The following ERAL1 variants were observed in gnomAD, a reference collection of about 807,000 sequenced individuals.
ERAL1 encodes Era like 12S mitochondrial rRNA chaperone 1.
In ERAL1, 36 loss-of-function variants were observed where a neutral mutation model predicts 53.6. The ratio of observed to expected loss-of-function variants is 0.67; its 90% CI spans 0.51 to 0.89. The LOEUF (loss-of-function observed/expected upper bound fraction) is 0.89, where lower values mean the gene tolerates loss of function less well. Among genes scored for constraint, ERAL1 ranks in the 40% least tolerant of loss-of-function variants. The pLI, the probability that ERAL1 is intolerant of heterozygous loss-of-function variation, is 0.00. For synonymous variants in ERAL1, 215 were observed against 211.8 expected, an observed-to-expected ratio of 1.02 and a Z score of -0.13; for missense variants, 512 against 537.5, an observed-to-expected ratio of 0.95 and a Z score of 0.47.
At chr17:28,857,362 C>T (rs1036910081) in intron 3 of ERAL1, among the ~76,000 whole-genome samples, 10 of 150,652 alleles carry the variant, frequency 6.6e-5, no homozygotes, top group Admixed American at 5.3e-4. Context: ...CTGCCTTGGC[C>T]TCCCAAAGTG....
At position 28,858,213 on chromosome 17, in the gene ERAL1, G is replaced by T; in HGVS notation, c.598+6G>T. On this transcript the variant is annotated splice_donor_region_variant and intron_variant, in intron 5 of 9. Coordinates refer to ENST00000254928, the MANE Select transcript of ERAL1 (RefSeq NM_005702.4). ...CATGGAATCTGCTGATCTTGGTTAG[G>T]TTCAGGATGGGAACCTTAAGCCCAG... 1 of 1,613,828 alleles carries T rather than the reference G, an allele frequency of 6.2e-7. No individual in the cohort carries two copies. The highest frequency in any genetic ancestry group is 8.5e-7 in the Non-Finnish European group (1 of 1,180,024).
At chr17:28,856,658 G>A (rs946279861) in intron 3 of ERAL1, 76 bp downstream of exon 3, 14 of 1,289,330 alleles carry the variant, frequency 1.1e-5, no homozygotes, top group South Asian at 3.5e-5. Flanking sequence ...CATCAGCCTT[G>A]AAGAAAATGA....
chr17:28,859,108 C>T lies in ERAL1; in HGVS notation c.1105C>T (p.Gln369Ter). 1 of 1,614,182 alleles carries T rather than the reference C, an allele frequency of 6.2e-7. No homozygotes were observed. The highest frequency in any genetic ancestry group is 8.5e-7 in the Non-Finnish European group (1 of 1,180,030). Residue 369 changes from glutamine (Q) to a stop codon, truncating the protein, a stop_gained, in exon 8 of 10, where the codon CAG becomes TAG. Transcript: ENST00000254928. LOFTEE classifies it high-confidence loss of function. ...HLPQEVPYNV[Q>*]QKTAVWEEGP... ...GCCCCAGGAGGTGCCTTACAATGTA[C>T]AGCAGGTACAGAGTGAAGGGTTCTG... is the stretch of plus-strand genomic sequence containing the variant.
chr17:28,856,227 T>C (rs376619357), intron 1 of ERAL1, 37 bp from the exon 2 acceptor site: 4 of 1,611,072 alleles, frequency 2.5e-6, no homozygotes, highest in Non-Finnish European at 3.4e-6. Context: ...AAATCCAGAT[T>C]CCACTGTGTC....
At position 28,858,580 on chromosome 17, in the gene ERAL1, ATTGT is replaced by A. The variant is rs2039269514; in HGVS notation, c.720_723del (p.Cys240Ter). On this transcript the variant is annotated frameshift_variant, in exon 7 of 10. Coordinates refer to ENST00000254928, the MANE Select transcript of ERAL1 (RefSeq NM_005702.4). LOFTEE classifies it high-confidence loss of function. ...TTGCCCATCCCCCATGTCCAGGTAG[ATTGT>A]TTGAAGCAGAAGTCAGTTCTCCTGG... 1.2e-6 allele frequency: 2 copies of A among 1,613,976 alleles called. No individual in the cohort carries two copies. The highest frequency in any genetic ancestry group is 1.7e-6 in the Non-Finnish European group (2 of 1,180,028).
chr17:28,857,810 A>G, intron 3 of ERAL1, 129 bp from the exon 4 acceptor site: 1 of 1,085,640 alleles, frequency 9.2e-7, no homozygotes, highest in Non-Finnish European at 1.4e-6. Flanking sequence ...ACAAAAAACA[A>G]ACCTAAAGTC....
intron 3 of ERAL1, 26 bp downstream of exon 3, chr17:28,856,608 G>A: frequency 1.2e-6 from 2 of 1,605,538 alleles, no homozygotes; most frequent in Non-Finnish European, 1.7e-6. Context: ...GGGAGTCCTT[G>A]AAACAGGACA....
chr17:28,855,140 C>T lies in ERAL1; in HGVS notation c.106C>T (p.Leu36Phe). ...GGAGCGGGTGATCCCTTTTTCCTCA[C>T]TCTTAGGCTTCCAACGGAGGTGCGT... is the stretch of plus-strand genomic sequence containing the variant. ...ARERVIPFSS[L>F]LGFQRRCVSC... The change falls in exon 1 of 10, where the codon CTC (leucine) becomes TTC (phenylalanine). Residue 36 changes from leucine (L) to phenylalanine (F), a missense_variant. Physicochemically the swap from Leu to Phe is conservative, Grantham distance 22. Coordinates refer to ENST00000254928, the MANE Select transcript of ERAL1 (RefSeq NM_005702.4). 6.2e-7 allele frequency: 1 copy of T among 1,614,248 alleles called. No individual in the cohort carries two copies. The highest frequency in any genetic ancestry group is 1.3e-5 in the African/African-American group (1 of 75,066).
At chr17:28,859,318 C>G (rs2039279326) in intron 9 of ERAL1, 35 bp downstream of exon 9, 1 of 1,603,236 alleles carries the variant, frequency 6.2e-7, no homozygotes, top group African/African-American at 1.3e-5. Context: ...GAGATCAAGA[C>G]TATGTTAGGC....
At chr17:28,859,313 C>G in intron 9 of ERAL1, 30 bp downstream of exon 9, 3 of 1,607,774 alleles carry the variant, frequency 1.9e-6, no homozygotes, top group Non-Finnish European at 2.6e-6. Context: ...GAGGAGAGAT[C>G]AAGACTATGT....
intron 3 of ERAL1, 132 bp downstream of exon 3, chr17:28,856,714 CTT>C (rs372784089): frequency 0.017 from 9,606 of 576,606 alleles, no homozygotes; most frequent in Middle Eastern, 0.021. Flanking sequence ...TTTTCTTTTT[CTT>C]TTTTTTTTTT....
chr17:28,858,176 T>C lies in ERAL1; in HGVS notation c.567T>C (p.Asp189=), dbSNP rs2039264492. 6.2e-7 allele frequency: 1 copy of C among 1,614,070 alleles called. No homozygotes were observed. The highest frequency in any genetic ancestry group is 8.5e-7 in the Non-Finnish European group (1 of 1,180,016). Residue 189 remains aspartate, a synonymous_variant, in exon 5 of 10, where the codon GAT becomes GAC. Coordinates refer to ENST00000254928, the MANE Select transcript of ERAL1 (RefSeq NM_005702.4). ...ACCTGGAGCTCTCTTTGTTGGAAGA[T>C]CCATGGAAGAGCATGGAATCTGCTG... is the stretch of plus-strand genomic sequence containing the variant. ...RHHLELSLLE[D]PWKSMESADL...
Position 28,856,351 on chromosome 17 carries a change from C to CAG in ERAL1, c.372_373dup (p.Gly125GlufsTer40). 1.2e-6 allele frequency: 2 copies of CAG among 1,614,150 alleles called. No homozygotes were observed. On this transcript the variant is annotated frameshift_variant, in exon 2 of 10. Transcript: ENST00000254928. LOFTEE classifies it high-confidence loss of function. ...GTGGTCCTCCTGGGAGCCCCGAATG[C>CAG]AGGGAAGTCAACACTCTCCAACCAG...
At chr17:28,858,906 T>G in intron 7 of ERAL1, 58 bp from the exon 8 acceptor site, 1 of 1,611,882 alleles carries the variant, frequency 6.2e-7, no homozygotes, top group Non-Finnish European at 8.5e-7. Flanking sequence ...GAAGCAAAAG[T>G]GAGGAGAAAA....
rs756654921 is a variant in ERAL1, at chr17:28,856,419, CT to C, written c.411+31del. 43 of 1,613,656 alleles carry C rather than the reference CT, an allele frequency of 2.7e-5. No individual in the cohort carries two copies. In the African/African-American group the frequency reaches 5.2e-4, roughly 20 times the overall value. On this transcript the variant is annotated intron_variant, in intron 2 of 9. Coordinates refer to ENST00000254928, the MANE Select transcript of ERAL1 (RefSeq NM_005702.4). ...ATGCTACACCCTTGACCATCCTACC[CT>C]TTACATCTTTTACTTCTTGCCATGC...
In ERAL1 at chr17:28,860,664, T is replaced by C. The variant is rs2039297582; in HGVS notation, c.*111T>C. On this transcript the variant is annotated 3_prime_UTR_variant, in exon 10 of 10. Transcript: ENST00000254928. ...AGGCACTGGTGAGAGACATGAACAC[T>C]GACTGGCCACTAGCTGGCCTGGCCC... The C allele has an allele frequency of 7.3e-7, 1 of 1,368,494 alleles. No individual in the cohort carries two copies. Among genetic ancestry groups the C allele is most frequent in the African/African-American group, 1.5e-5 (1 of 67,094 alleles). The allele number at this position is 1,368,494 out of a possible 1,614,324, so 84.8% of individuals were successfully genotyped here.
Position 28,858,990 on chromosome 17 carries a change from A to G in ERAL1, c.987A>G (p.Pro329=). ...LKQYLLTQAQ[P]GPWEYHSAVL... ...AATACCTTCTGACACAGGCCCAGCC[A>G]GGGCCCTGGGAGTACCACAGTGCAG... The change falls in exon 8 of 10, where the codon CCA becomes CCG. Residue 329 remains proline (P), a synonymous_variant. Coordinates refer to ENST00000254928, the MANE Select transcript of ERAL1 (RefSeq NM_005702.4). 6.2e-7 allele frequency: 1 copy of G among 1,614,194 alleles called. No individual in the cohort carries two copies. The highest frequency in any genetic ancestry group is 8.5e-7 in the Non-Finnish European group (1 of 1,180,024).
intron 9 of ERAL1, 67 bp from the exon 10 acceptor site, chr17:28,860,364 C>A: frequency 6.3e-7 from 1 of 1,586,196 alleles, no homozygotes; most frequent in Non-Finnish European, 8.6e-7. Flanking sequence ...ACCTTAGCCC[C>A]CCAAGTAGCT....
chr17:28,859,212 G>A lies in ERAL1; in HGVS notation c.1120G>A (p.Val374Met). The change falls in exon 9 of 10, where the codon GTG (valine) becomes ATG (methionine). Residue 374 changes from valine to methionine, a missense_variant. Val to Met is a conservative substitution (Grantham distance 21). Coordinates refer to ENST00000254928, the MANE Select transcript of ERAL1 (RefSeq NM_005702.4). ...VPYNVQQKTA[V>M]WEEGPGGELV... ...TTGTCTCCCTGTACAGAAGACAGCA[G>A]TGTGGGAGGAAGGACCAGGTGGGGA... 6.2e-7 allele frequency: 1 copy of A among 1,614,192 alleles called. No individual in the cohort carries two copies. Among genetic ancestry groups the A allele is most frequent in the Non-Finnish European group, 8.5e-7 (1 of 1,180,038 alleles).
Sources: allele counts gnomAD v4.1 joint callset (sites outside exome capture counted in the v4.1 genomes callset), GRCh38; gene constraint gnomAD v4.1.1; transcripts MANE v1.5; gene names NCBI Gene and HGNC (gene_info 2026-07-23, HGNC 2026-07-21).